Variants in NBAS observed in about 807,000 individuals in gnomAD.
The protein encoded by NBAS is NAG/BC035112 fusion.
A neutral mutation model predicts 302.5 loss-of-function variants in NBAS; 219 were observed. The ratio of observed to expected loss-of-function variants is 0.72; its 90% confidence interval spans 0.65 to 0.81. The LOEUF (loss-of-function observed/expected upper bound fraction) is 0.81. Among genes scored for constraint, NBAS ranks in the 30% least tolerant of loss-of-function variants. The pLI, the probability that NBAS is intolerant of heterozygous loss-of-function variation, is 0.00. For missense variants in NBAS, 2,932 were observed against 2,841.6 expected, an observed-to-expected ratio of 1.03 and a Z score of -0.72; for synonymous variants, 1,118 against 1,021.6, an observed-to-expected ratio of 1.09 and a Z score of -1.80.
chr2:15,553,612 T>G, intron 4 of NBAS, 139 bp from the exon 5 acceptor site: 1 of 794,848 alleles, frequency 1.3e-6, no homozygotes, highest in South Asian at 1.6e-5. Context: ...CTTTTGACCT[T>G]ACAATTAGAT....
At chr2:15,478,980 G>A (rs934206103) in intron 12 of NBAS, among the ~76,000 whole-genome samples, 4 of 152,104 alleles carry the variant, frequency 2.6e-5, no homozygotes, top group Non-Finnish European at 5.9e-5. Context: ...AAAAATAGTT[G>A]GGGTGCTCAT....
chr2:15,330,747 C>G lies in NBAS; in HGVS notation c.4198G>C (p.Gly1400Arg). 6.2e-7 allele frequency: 1 copy of G among 1,613,870 alleles called. No individual in the cohort carries two copies. The highest frequency in any genetic ancestry group is 8.5e-7 in the Non-Finnish European group (1 of 1,179,908). The change falls in exon 36 of 52, where the codon GGT (glycine) becomes CGT (arginine). Residue 1400 changes from glycine (G) to arginine (R), a missense_variant. By Grantham distance (125) the Gly-to-Arg change is moderately radical. Coordinates refer to ENST00000281513, the MANE Select transcript of NBAS (RefSeq NM_015909.4). ...CGCAATAGGTCAGCTGAATTGCTAC[C>G]TGGAACACCTACTTCATCCTGTATT... ...AVQEDEVGVPGSNSADLLRWT... is the reference protein window; with the variant it reads ...AVQEDEVGVPRSNSADLLRWT...
At chr2:15,167,845 T>C (rs1022439184) in intron 51 of NBAS, among the ~76,000 whole-genome samples, 5 of 152,136 alleles carry the variant, frequency 3.3e-5, no homozygotes, top group African/African-American at 1.2e-4. Context: ...TAAATACACA[T>C]GAAAAAAATT....
the NBAS span, among the ~76,000 whole-genome samples, chr2:14,895,228 T>G: frequency 1.3e-5 from 2 of 152,144 alleles, no homozygotes; most frequent in South Asian, 2.1e-4. Context: ...GTGTTGTTGT[T>G]GTGGTTGTGT....
At chr2:15,271,800 C>A (rs1331306753) in intron 44 of NBAS, among the ~76,000 whole-genome samples, 1 of 152,118 alleles carries the variant, frequency 6.6e-6, no homozygotes, top group East Asian at 1.9e-4. Context: ...TCTTTTACAA[C>A]CATTTTCCTG....
At chr2:15,091,402 A>G in the NBAS span, among the ~76,000 whole-genome samples, 2 of 152,222 alleles carry the variant, frequency 1.3e-5, no homozygotes. Context: ...CAATGTGAAA[A>G]TGATGAGGAT....
At chr2:15,020,596 C>G in the NBAS span, among the ~76,000 whole-genome samples, 10 of 152,090 alleles carry the variant, frequency 6.6e-5, no homozygotes, top group Non-Finnish European at 1.3e-4. Context: ...CAAAGTGGAC[C>G]AAGACGCAGA....
chr2:14,965,315 A>G, the NBAS span, among the ~76,000 whole-genome samples: 2 of 152,194 alleles, frequency 1.3e-5, no homozygotes, highest in Admixed American at 1.3e-4. Flanking sequence ...TAGAAACAAA[A>G]AGAAGGCATA....
rs530328273 is a variant in NBAS at position 15,169,616 on chromosome 2, T to C, written c.6841-2293A>G. 6.3e-4 allele frequency among the ~76,000 whole-genome samples: 96 copies of C among 152,204 alleles called. 1 individual carries two copies. The highest frequency in any genetic ancestry group is 1.2e-3 in the Admixed American group (18 of 15,302). ...GTGATACAGTTGCTCCATGGTGGAG[T>C]GGCCTAGAAGCCCGTGTCTCGGCCT... On this transcript the variant is annotated intron_variant, in intron 51 of 51. Transcript: ENST00000281513.
intron 48 of NBAS, among the ~76,000 whole-genome samples, chr2:15,198,916 G>A (rs545850392): frequency 1.3e-5 from 2 of 152,096 alleles, no homozygotes; most frequent in East Asian, 1.9e-4. Context: ...CATGAGGTCC[G>A]GAGATTGAGA....
the NBAS span, among the ~76,000 whole-genome samples, chr2:14,912,766 G>A: frequency 6.7e-6 from 1 of 148,422 alleles, no homozygotes; most frequent in African/African-American, 2.5e-5. Flanking sequence ...AGGCCCTACA[G>A]TTTTCATCTG....
intron 50 of NBAS, among the ~76,000 whole-genome samples, chr2:15,182,049 A>C (rs1279889638): frequency 6.6e-6 from 1 of 152,204 alleles, no homozygotes; most frequent in Non-Finnish European, 1.5e-5. Context: ...CTGGTTCTGC[A>C]GCCCCAGGTT....
the NBAS span, among the ~76,000 whole-genome samples, chr2:14,851,318 T>A: frequency 2.6e-5 from 4 of 151,066 alleles, no homozygotes; most frequent in African/African-American, 9.8e-5. Flanking sequence ...TCAAATAAAC[T>A]AGAAAATCTA....
chr2:15,310,088 C>A (rs1671208498), intron 38 of NBAS, among the ~76,000 whole-genome samples: 1 of 152,160 alleles, frequency 6.6e-6, no homozygotes, highest in African/African-American at 2.4e-5. Flanking sequence ...TGGAAATGCA[C>A]CACATGATTT....
the NBAS span, among the ~76,000 whole-genome samples, chr2:15,002,472 C>A: frequency 6.6e-6 from 1 of 152,196 alleles, no homozygotes. Flanking sequence ...GCTGGCTTCA[C>A]CCAGTGGATC....
the NBAS span, among the ~76,000 whole-genome samples, chr2:15,132,707 GTTC>G: frequency 2.0e-5 from 3 of 152,104 alleles, no homozygotes; most frequent in Non-Finnish European, 2.9e-5. Context: ...GGTACTGTCT[GTTC>G]TTCTCAATTT....
chr2:15,393,060 T>G (rs1195647933), intron 28 of NBAS, among the ~76,000 whole-genome samples: 3 of 152,024 alleles, frequency 2.0e-5, no homozygotes, highest in Admixed American at 6.5e-5. Flanking sequence ...TACAAAAAGT[T>G]TTTTGACCCA....
the NBAS span, among the ~76,000 whole-genome samples, chr2:14,876,703 C>T: frequency 1.3e-5 from 2 of 152,202 alleles, no homozygotes; most frequent in South Asian, 4.1e-4. Context: ...TGATGTCAAC[C>T]TTCTGATCAT....
chr2:15,121,331 C>A, the NBAS span, among the ~76,000 whole-genome samples: 4 of 152,210 alleles, frequency 2.6e-5, no homozygotes, highest in Non-Finnish European at 5.9e-5. Context: ...ACCAAGAACA[C>A]TACTGGTGGG....
Sources: allele counts gnomAD v4.1 joint callset (sites outside exome capture counted in the v4.1 genomes callset), GRCh38; gene constraint gnomAD v4.1.1; transcripts MANE v1.5; gene names NCBI Gene and HGNC (gene_info 2026-07-23, HGNC 2026-07-21).